The following CCDC60 variants were observed in gnomAD, a reference collection of about 807,000 sequenced individuals.
CCDC60 encodes coiled-coil domain containing 60.
In CCDC60, 54 loss-of-function variants were observed where a neutral mutation model predicts 63.5. That is an observed-to-expected ratio of 0.85 (90% CI 0.68 to 1.07). The LOEUF (loss-of-function observed/expected upper bound fraction) is 1.07, where lower values mean the gene tolerates loss of function less well. Ranked by LOEUF, CCDC60 falls within the 50% of genes least tolerant of loss-of-function variation. The probability of loss-of-function intolerance (pLI) is 0.00; values close to 1 mark genes in which losing one functional copy is unlikely to be tolerated. For missense variants in CCDC60, 651 were observed against 684.3 expected (o/e 0.95, Z 0.54); for synonymous variants, 206 against 238.8 (o/e 0.86, Z 1.27).
At chr12:119,475,422 T>C (rs1342270473) in intron 3 of CCDC60, among the ~76,000 whole-genome samples, 1 of 152,270 alleles carries the variant, frequency 6.6e-6, no homozygotes, top group African/African-American at 2.4e-5. Context: ...AAATGATTTA[T>C]TTAAAGTTTA....
intron 2 of CCDC60, among the ~76,000 whole-genome samples, chr12:119,441,414 G>T (rs1365756541): frequency 6.6e-6 from 1 of 152,096 alleles, no homozygotes; most frequent in Non-Finnish European, 1.5e-5. Context: ...ATAACATAAT[G>T]CAGGAAAGCA....
chr12:119,416,369 G>A (rs555035124), intron 1 of CCDC60, among the ~76,000 whole-genome samples: 2 of 152,122 alleles, frequency 1.3e-5, no homozygotes, highest in Non-Finnish European at 2.9e-5. Flanking sequence ...ACAAGAGCAA[G>A]ACTCTGTCTC....
intron 1 of CCDC60, among the ~76,000 whole-genome samples, chr12:119,359,085 C>T (rs921052021): frequency 9.9e-5 from 15 of 152,158 alleles, no homozygotes; most frequent in Admixed American, 7.9e-4. Context: ...CCAGTTGCTC[C>T]ACATCCTCAA....
Position 119,373,987 on chromosome 12 carries a change from C to CT in CCDC60, c.90+38734dup, listed in dbSNP as rs879654743. Among the ~76,000 whole-genome samples the CT allele has an allele frequency of 1.2e-3, 177 of 146,648 alleles. 1 individual carries two copies. The highest frequency in any genetic ancestry group is 7.3e-3 in the Middle Eastern group (2 of 274). On this transcript the variant is annotated intron_variant, in intron 1 of 13. Coordinates refer to ENST00000327554, the MANE Select transcript of CCDC60 (RefSeq NM_178499.5). ...TTGAAGGAAATGAAGAGAACTTTAT[C>CT]TTTTTTTTTTTTTCTGCTCCTGACA...
At chr12:119,403,461 A>AC (rs1956431056) in intron 1 of CCDC60, among the ~76,000 whole-genome samples, 1 of 152,022 alleles carries the variant, frequency 6.6e-6, no homozygotes, top group African/African-American at 2.4e-5. Context: ...AGCTTTAATC[A>AC]CCAAGTTGCA....
In CCDC60 at chr12:119,441,860, C is replaced by CT. The variant is rs990765706; in HGVS notation, c.170+13107dup. ...TAAAGCTGCTATGAACACTCTTATACTTTTTTTTTGCTGAACATATGTACA... is the reference window on the plus strand; with the variant it reads ...TAAAGCTGCTATGAACACTCTTATACTTTTTTTTTTGCTGAACATATGTACA... On this transcript the variant is annotated intron_variant, in intron 2 of 13. Transcript: ENST00000327554. Among the ~76,000 whole-genome samples, 951 of 151,444 alleles carry CT rather than the reference C, an allele frequency of 6.3e-3. 12 individuals carry two copies. Among genetic ancestry groups the CT allele is most frequent in the African/African-American group, 0.021 (888 of 41,324 alleles).
chr12:119,351,158 G>A (rs1221623102), intron 1 of CCDC60, among the ~76,000 whole-genome samples: 2 of 152,186 alleles, frequency 1.3e-5, no homozygotes, highest in African/African-American at 4.8e-5. Context: ...TTGGGGTCAG[G>A]ATTCAAAGCA....
chr12:119,482,177 C>CACACACATAT (rs1016167575), intron 4 of CCDC60, among the ~76,000 whole-genome samples: 1 of 149,538 alleles, frequency 6.7e-6, no homozygotes, highest in Non-Finnish European at 1.5e-5. Context: ...CACACACACA[C>CACACACATAT]ATATATATAT....
At position 119,505,089 on chromosome 12, in the gene CCDC60, C is replaced by T. The variant is rs149867561; in HGVS notation, c.669C>T (p.Pro223=). ...TAPKTKKFKI[P]TMRVTNRKPS... Reference sequence around the variant, plus strand: ...TTTAGACCAAGAAATTCAAAATTCCCACAATGCGAGTCACCAACCGCAAAC... The same window carrying T: ...TTTAGACCAAGAAATTCAAAATTCCTACAATGCGAGTCACCAACCGCAAAC... The change falls in exon 7 of 14, where the codon CCC becomes CCT. Residue 223 remains proline (P), a synonymous_variant. Coordinates refer to ENST00000327554, the MANE Select transcript of CCDC60 (RefSeq NM_178499.5). 6.2e-5 allele frequency: 99 copies of T among 1,602,228 alleles called. No individual in the cohort carries two copies. In the African/African-American group the frequency reaches 1.3e-3, roughly 20 times the overall value.
intron 2 of CCDC60, among the ~76,000 whole-genome samples, chr12:119,464,221 C>T (rs1320523029): frequency 6.9e-6 from 1 of 144,050 alleles, no homozygotes; most frequent in African/African-American, 2.6e-5. Context: ...ATCCATAGCA[C>T]ACACATTTCA....
At chr12:119,473,342 G>A (rs1002354390) in intron 3 of CCDC60, among the ~76,000 whole-genome samples, 2 of 152,150 alleles carry the variant, frequency 1.3e-5, no homozygotes, top group Non-Finnish European at 2.9e-5. Flanking sequence ...TCCTGTGAGC[G>A]CAGCTGTTGC....
intron 3 of CCDC60, among the ~76,000 whole-genome samples, chr12:119,474,579 TC>T (rs921491847): frequency 3.3e-5 from 5 of 152,034 alleles, no homozygotes; most frequent in Admixed American, 2.0e-4. Flanking sequence ...GGGTCTGGAG[TC>T]CCCTTTTGGG....
intron 1 of CCDC60, among the ~76,000 whole-genome samples, chr12:119,391,282 T>C (rs1222363898): frequency 6.6e-6 from 1 of 152,226 alleles, no homozygotes; most frequent in Non-Finnish European, 1.5e-5. Flanking sequence ...TGTGTGTGTC[T>C]TTTCTTAAAA....
At chr12:119,418,795 T>C (rs979519238) in intron 1 of CCDC60, among the ~76,000 whole-genome samples, 2 of 152,208 alleles carry the variant, frequency 1.3e-5, no homozygotes, top group Non-Finnish European at 2.9e-5. Flanking sequence ...CAGCATTCAA[T>C]CAAGGGACCA....
intron 1 of CCDC60, among the ~76,000 whole-genome samples, chr12:119,404,988 G>T (rs887801030): frequency 3.9e-5 from 6 of 152,150 alleles, no homozygotes; most frequent in African/African-American, 1.2e-4. Context: ...ATTAACCCCA[G>T]GAAAGCATGA....
chr12:119,487,577 G>A (rs1382594790), intron 4 of CCDC60, among the ~76,000 whole-genome samples: 2 of 151,628 alleles, frequency 1.3e-5, no homozygotes, highest in Non-Finnish European at 2.9e-5. Context: ...GATTACAAGA[G>A]TGAGCCACCG....
chr12:119,505,067 A>G lies in CCDC60; in HGVS notation c.649-2A>G. 2 of 1,591,100 alleles carry G rather than the reference A, an allele frequency of 1.3e-6. No homozygotes were observed. The highest frequency in any genetic ancestry group is 8.6e-7 in the Non-Finnish European group (1 of 1,164,642). ...AACCTCTCTTTCTTCTCTTTCCTTT[A>G]GACCAAGAAATTCAAAATTCCCACA... is the stretch of plus-strand genomic sequence containing the variant. On this transcript the variant is annotated splice_acceptor_variant, in intron 6 of 13. Transcript: ENST00000327554. LOFTEE classifies it high-confidence loss of function.
intron 2 of CCDC60, among the ~76,000 whole-genome samples, chr12:119,462,791 CATTT>C (rs61602899): frequency 0.39 from 55,291 of 140,606 alleles, 10,917 homozygotes; most frequent in South Asian, 0.61. Context: ...CAACTAACTT[CATTT>C]ATTTATTTAT....
At chr12:119,438,983 A>G (rs1742448954) in intron 2 of CCDC60, among the ~76,000 whole-genome samples, 1 of 152,098 alleles carries the variant, frequency 6.6e-6, no homozygotes. Flanking sequence ...TTCAGAGCCC[A>G]GTAGCCCCAC....
Sources: gnomAD v4.1 joint callset for allele counts (sites outside exome capture counted in the v4.1 genomes callset) on GRCh38, gnomAD v4.1.1 for gene constraint, MANE v1.5 for transcripts, NCBI Gene and HGNC (gene_info 2026-07-23, HGNC 2026-07-21) for gene names.